ATP6V1H: variants seen among roughly 807,000 people sequenced by gnomAD.
ATP6V1H encodes the protein ATPase H+ transporting V1 subunit H, also known as V-type proton ATPase subunit H.
A neutral mutation model predicts 71.7 loss-of-function variants in ATP6V1H; 39 were observed. The observed-to-expected ratio is 0.54, with a 90% CI of 0.42 to 0.71. ATP6V1H has a LOEUF of 0.71. Among genes scored for constraint, ATP6V1H ranks in the 30% least tolerant of loss-of-function variants. The probability of loss-of-function intolerance (pLI) is 0.00; values close to 1 mark genes in which losing one functional copy is unlikely to be tolerated. For synonymous variants in ATP6V1H, 192 were observed against 199.3 expected (o/e 0.96, Z 0.31); for missense variants, 509 against 594.9 (o/e 0.86, Z 1.50).
chr8:53,732,460 T>C (rs2130133216), intron 13 of ATP6V1H, among the ~76,000 whole-genome samples: 1 of 152,152 alleles, frequency 6.6e-6, no homozygotes, highest in East Asian at 1.9e-4. Context: ...TCTCTGTGAA[T>C]GTAAATTAGA....
At chr8:53,767,115 C>G (rs1167343051) in intron 11 of ATP6V1H, among the ~76,000 whole-genome samples, 1 of 152,156 alleles carries the variant, frequency 6.6e-6, no homozygotes, top group Non-Finnish European at 1.5e-5. Flanking sequence ...TGTACTCTGT[C>G]CCTTTATTTC....
At chr8:53,776,286 C>T (rs1808887525) in intron 9 of ATP6V1H, among the ~76,000 whole-genome samples, 1 of 152,236 alleles carries the variant, frequency 6.6e-6, no homozygotes, top group Non-Finnish European at 1.5e-5. Flanking sequence ...TCTCCCTCCA[C>T]ACCTCCCTGC....
At chr8:53,793,855 C>T (rs1809644396) in intron 9 of ATP6V1H, among the ~76,000 whole-genome samples, 1 of 152,118 alleles carries the variant, frequency 6.6e-6, no homozygotes, top group Admixed American at 6.6e-5. Context: ...ACGAGAAACG[C>T]TTGAATCCAG....
chr8:53,726,416 TATA>T (rs1459965429), intron 13 of ATP6V1H, among the ~76,000 whole-genome samples: 1 of 152,204 alleles, frequency 6.6e-6, no homozygotes, highest in African/African-American at 2.4e-5. Flanking sequence ...TTTTTAAGTA[TATA>T]ATATTTTAAA....
intron 9 of ATP6V1H, among the ~76,000 whole-genome samples, chr8:53,788,105 T>C (rs1809440902): frequency 6.6e-6 from 1 of 152,222 alleles, no homozygotes; most frequent in Admixed American, 6.5e-5. Context: ...CTTTACTATG[T>C]CTTTATCAAT....
intron 9 of ATP6V1H, among the ~76,000 whole-genome samples, chr8:53,780,344 A>C (rs889601891): frequency 6.6e-6 from 1 of 152,138 alleles, no homozygotes; most frequent in Non-Finnish European, 1.5e-5. Context: ...CAACTTTGTC[A>C]AATCAATCAT....
chr8:53,837,206 T>C (rs1563318819), intron 2 of ATP6V1H, among the ~76,000 whole-genome samples: 4 of 151,254 alleles, frequency 2.6e-5, no homozygotes, highest in Non-Finnish European at 5.9e-5. Context: ...TCTATGAAAA[T>C]AATGTTAAAT....
intron 12 of ATP6V1H, among the ~76,000 whole-genome samples, chr8:53,746,787 A>C (rs1440528703): frequency 6.6e-6 from 1 of 152,210 alleles, no homozygotes; most frequent in Non-Finnish European, 1.5e-5. Context: ...AAAGGTGAGA[A>C]AAGAATCTTT....
At chr8:53,839,593 T>C (rs1811279931) in intron 2 of ATP6V1H, 1 of 985,042 alleles carries the variant, frequency 1.0e-6, no homozygotes, top group South Asian at 4.7e-5. Flanking sequence ...ATAGCTTCTC[T>C]CTACCTCTAG....
chr8:53,767,520 T>TC (rs1339589008), intron 11 of ATP6V1H, among the ~76,000 whole-genome samples: 1 of 152,014 alleles, frequency 6.6e-6, no homozygotes, highest in Non-Finnish European at 1.5e-5. Context: ...AAAGATACAC[T>TC]CTTTTTTTTT....
At chr8:53,829,904 C>A (rs1486407327) in intron 3 of ATP6V1H, among the ~76,000 whole-genome samples, 1 of 152,152 alleles carries the variant, frequency 6.6e-6, no homozygotes, top group Non-Finnish European at 1.5e-5. Flanking sequence ...ACAAGAGCAA[C>A]AAGAGTACCA....
In ATP6V1H at chr8:53,841,582, G is replaced by T; in HGVS notation, c.109C>A (p.Leu37Ile). 1.2e-6 allele frequency: 2 copies of T among 1,614,054 alleles called. No individual in the cohort carries two copies. The highest frequency in any genetic ancestry group is 1.7e-6 in the Non-Finnish European group (2 of 1,179,946). Residue 37 changes from leucine to isoleucine, a missense_variant, in exon 2 of 14, where the codon CTT (leucine) becomes ATT (isoleucine). Physicochemically the swap from Leu to Ile is conservative, Grantham distance 5. This residue lies in a region of ATP6V1H where 297 missense variants were observed against 303.3 expected (regional missense o/e 0.98). Coordinates refer to ENST00000359530, the MANE Select transcript of ATP6V1H (RefSeq NM_015941.4). ...RANKVNWQSYLQGQMISAEDC... is the reference protein window; with the variant it reads ...RANKVNWQSYIQGQMISAEDC... ...TCACAGCAAATTGGTACTTACTGAA[G>T]ATAGGATTGCCAGTTGACTTTGTTT...
At chr8:53,803,366 A>G (rs950478475) in intron 7 of ATP6V1H, among the ~76,000 whole-genome samples, 1 of 152,072 alleles carries the variant, frequency 6.6e-6, no homozygotes, top group African/African-American at 2.4e-5. Context: ...AAGAAGAAGA[A>G]GAGAAAGGAA....
At chr8:53,819,174 T>G (rs201025676) in intron 4 of ATP6V1H, among the ~76,000 whole-genome samples, 1 of 151,790 alleles carries the variant, frequency 6.6e-6, no homozygotes, top group Non-Finnish European at 1.5e-5. Flanking sequence ...CTACTGCACT[T>G]TAGCCTGGGT....
intron 11 of ATP6V1H, among the ~76,000 whole-genome samples, chr8:53,766,686 T>C (rs549367850): frequency 1.9e-3 from 287 of 152,292 alleles, no homozygotes; most frequent in Non-Finnish European, 2.8e-3. Flanking sequence ...CCCCAGGGTG[T>C]ACCTGTCTCT....
chr8:53,717,098 T>C (rs766001079), intron 13 of ATP6V1H, among the ~76,000 whole-genome samples: 2 of 152,162 alleles, frequency 1.3e-5, no homozygotes, highest in Non-Finnish European at 2.9e-5. Flanking sequence ...ATCAACTGTG[T>C]GAGCATCGCC....
intron 4 of ATP6V1H, among the ~76,000 whole-genome samples, chr8:53,823,467 T>G (rs1306753166): frequency 6.6e-6 from 1 of 152,140 alleles, no homozygotes; most frequent in Admixed American, 6.5e-5. Flanking sequence ...AATGCATATA[T>G]TTAAATACTT....
At chr8:53,753,617 C>A (rs1377418322) in intron 12 of ATP6V1H, among the ~76,000 whole-genome samples, 1 of 152,054 alleles carries the variant, frequency 6.6e-6, no homozygotes, top group Non-Finnish European at 1.5e-5. Flanking sequence ...ATATTTTTAT[C>A]TTCATTCATT....
intron 4 of ATP6V1H, among the ~76,000 whole-genome samples, chr8:53,822,691 T>C (rs1810700110): frequency 6.6e-6 from 1 of 152,052 alleles, no homozygotes; most frequent in Non-Finnish European, 1.5e-5. Flanking sequence ...GATGGTTTAA[T>C]TCACCTATTA....
Sources: allele counts gnomAD v4.1 joint callset (sites outside exome capture counted in the v4.1 genomes callset), GRCh38; gene constraint gnomAD v4.1.1; regional missense constraint gnomAD v4.1.1; transcripts MANE v1.5; gene names NCBI Gene and HGNC (gene_info 2026-07-23, HGNC 2026-07-21).